Variants in ZNF536 observed in about 807,000 individuals in gnomAD.
ZNF536 encodes the protein zinc finger protein 536.
In ZNF536, 13 loss-of-function variants were observed where a neutral mutation model predicts 84.5. The observed-to-expected ratio is 0.15, with a 90% confidence interval of 0.10 to 0.24. The LOEUF (loss-of-function observed/expected upper bound fraction) is 0.24. ZNF536 is among the 10% of genes least tolerant of loss of function. The pLI, the probability that ZNF536 is intolerant of heterozygous loss-of-function variation, is 1.00. For synonymous variants in ZNF536, 811 were observed against 742.5 expected (o/e 1.09, Z -1.50); for missense variants, 1,536 against 1,747.5 (o/e 0.88, Z 2.16).
At chr19:30,231,616 T>C (rs1394533315) in intron 1 of ZNF536, among the ~76,000 whole-genome samples, 3 of 151,802 alleles carry the variant, frequency 2.0e-5, no homozygotes, top group Non-Finnish European at 1.5e-5. Flanking sequence ...TGCTCGGGAG[T>C]TGGAAGGGAG....
intron 1 of ZNF536, among the ~76,000 whole-genome samples, chr19:30,409,336 C>T (rs1378203005): frequency 6.6e-6 from 1 of 152,190 alleles, no homozygotes; most frequent in East Asian, 1.9e-4. Flanking sequence ...TTCAGACCAC[C>T]TTGTTCTGCT....
At chr19:30,522,271 A>ATATATATATATATGTG (rs2044383183) in intron 2 of ZNF536, among the ~76,000 whole-genome samples, 1 of 2,670 alleles carries the variant, frequency 3.7e-4, no homozygotes, top group African/African-American at 4.8e-4. Flanking sequence ...ACATATATAT[A>ATATATATATATATGTG]TACATATATA....
chr19:30,458,057 T>C (rs1301695467), intron 2 of ZNF536, among the ~76,000 whole-genome samples: 1 of 152,150 alleles, frequency 6.6e-6, no homozygotes, highest in East Asian at 1.9e-4. Context: ...TATACTTAGA[T>C]ATTAAGCCAG....
intron 1 of ZNF536, among the ~76,000 whole-genome samples, chr19:30,646,853 G>A (rs1324768381): frequency 6.6e-6 from 1 of 152,270 alleles, no homozygotes; most frequent in East Asian, 1.9e-4. Context: ...GGCTATTGAT[G>A]TTGTATGTTT....
At chr19:30,500,668 C>T (rs1259866090) in intron 2 of ZNF536, among the ~76,000 whole-genome samples, 4 of 151,632 alleles carry the variant, frequency 2.6e-5, no homozygotes, top group African/African-American at 4.9e-5. Context: ...TCTAGAATCT[C>T]AGCAGGAGGC....
At chr19:30,361,377 C>G (rs918311886) in intron 3 of ZNF536, among the ~76,000 whole-genome samples, 2 of 150,250 alleles carry the variant, frequency 1.3e-5, no homozygotes, top group Non-Finnish European at 3.0e-5. Flanking sequence ...TTTTTTTAAG[C>G]CTTCTTTTTT....
chr19:30,265,524 C>T (rs930436514), intron 1 of ZNF536, among the ~76,000 whole-genome samples: 3 of 152,174 alleles, frequency 2.0e-5, no homozygotes, highest in Non-Finnish European at 4.4e-5. Context: ...GTGTCTGAGG[C>T]GCCTTGTCCA....
chr19:30,465,113 C>T (rs569079324), intron 2 of ZNF536, among the ~76,000 whole-genome samples: 14 of 152,216 alleles, frequency 9.2e-5, no homozygotes, highest in East Asian at 1.9e-4. Context: ...AAATCTGTGG[C>T]GGACAAGGCC....
At chr19:30,453,908 G>A (rs1199635270) in intron 2 of ZNF536, among the ~76,000 whole-genome samples, 1 of 152,242 alleles carries the variant, frequency 6.6e-6, no homozygotes, top group Non-Finnish European at 1.5e-5. Context: ...GTGACATGTG[G>A]CATGTGTCTG....
intron 2 of ZNF536, among the ~76,000 whole-genome samples, chr19:30,339,974 C>G (rs929858020): frequency 6.6e-6 from 1 of 152,086 alleles, no homozygotes; most frequent in African/African-American, 2.4e-5. Context: ...CAAGGAGGAC[C>G]AGTGGGCACT....
chr19:30,294,408 TTGAG>T (rs1223330916), intron 2 of ZNF536, among the ~76,000 whole-genome samples: 4 of 152,258 alleles, frequency 2.6e-5, no homozygotes, highest in Non-Finnish European at 5.9e-5. Flanking sequence ...AATGATGCTC[TTGAG>T]TGAGCTGAAC....
intron 2 of ZNF536, among the ~76,000 whole-genome samples, chr19:30,514,137 G>A (rs898448142): frequency 9.9e-5 from 15 of 152,134 alleles, no homozygotes; most frequent in African/African-American, 2.2e-4. Flanking sequence ...GCCAAATGGC[G>A]TATGTTTTCA....
intron 1 of ZNF536, among the ~76,000 whole-genome samples, chr19:30,254,633 G>A (rs913953172): frequency 1.3e-5 from 2 of 149,022 alleles, no homozygotes; most frequent in East Asian, 2.0e-4. Flanking sequence ...ATGTGGACCC[G>A]CCAATGTGAA....
intron 1 of ZNF536, among the ~76,000 whole-genome samples, chr19:30,414,613 C>T (rs2050634994): frequency 6.6e-6 from 1 of 152,160 alleles, no homozygotes; most frequent in Admixed American, 6.5e-5. Context: ...TTGAACAAGA[C>T]AAAGCCTTAT....
At chr19:30,419,260 C>G (rs909595086) in intron 1 of ZNF536, among the ~76,000 whole-genome samples, 2 of 152,204 alleles carry the variant, frequency 1.3e-5, no homozygotes, top group Non-Finnish European at 2.9e-5. Context: ...TGTAACCATT[C>G]CCTTACTCTT....
chr19:30,463,510 C>T (rs1177392431), intron 2 of ZNF536, among the ~76,000 whole-genome samples: 1 of 152,166 alleles, frequency 6.6e-6, no homozygotes, highest in African/African-American at 2.4e-5. Context: ...AGCCTTGTGC[C>T]CGGAGGAGGT....
rs1417207306 is a variant in ZNF536 at position 30,445,395 on chromosome 19, G to A, written c.1833G>A (p.Gly611=). 6.2e-7 allele frequency: 1 copy of A among 1,614,164 alleles called. No individual in the cohort carries two copies. The highest frequency in any genetic ancestry group is 1.1e-5 in the South Asian group (1 of 91,086). The change falls in exon 2 of 5, where the codon GGG becomes GGA. Residue 611 remains glycine (G), a synonymous_variant. Transcript: ENST00000355537. The surrounding 1 kb of genome is among the most constrained non-coding windows in gnomAD (Gnocchi z 4.5). Reference sequence around the variant, plus strand: ...GCAGTCGGGATTTTTTGTCACACGGGCTGAACCAGACTCTCGAGTATAACC... The same window carrying A: ...GCAGTCGGGATTTTTTGTCACACGGACTGAACCAGACTCTCGAGTATAACC... ...LESSRDFLSH[G]LNQTLEYNLQ... is the part of the protein sequence containing the mutation.
At chr19:30,466,933 T>C (rs897798937) in intron 2 of ZNF536, among the ~76,000 whole-genome samples, 1 of 152,152 alleles carries the variant, frequency 6.6e-6, no homozygotes, top group Admixed American at 6.5e-5. Flanking sequence ...CTCTGCCTTC[T>C]GGTTTTAAGC....
chr19:30,625,946 G>A (rs2048659972), intron 1 of ZNF536, among the ~76,000 whole-genome samples: 1 of 152,218 alleles, frequency 6.6e-6, no homozygotes, highest in African/African-American at 2.4e-5. Context: ...AACGGTGGCA[G>A]TGGCTAAAAT....
Sources: gnomAD v4.1 joint callset for allele counts (sites outside exome capture counted in the v4.1 genomes callset) on GRCh38, gnomAD v4.1.1 for gene constraint, Gnocchi (gnomAD v3.1) non-coding constraint, MANE v1.5 for transcripts, NCBI Gene and HGNC (gene_info 2026-07-23, HGNC 2026-07-21) for gene names.